The following GPHN variants were observed in gnomAD, a reference collection of about 807,000 sequenced individuals.
GPHN encodes the protein gephyrin.
A neutral mutation model predicts 95.5 loss-of-function variants in GPHN; 17 were observed. The observed-to-expected ratio is 0.18, with a 90% CI of 0.12 to 0.27. GPHN has a LOEUF of 0.27. Among genes scored for constraint, GPHN ranks in the 10% least tolerant of loss-of-function variants. The pLI is 1.00. For missense variants in GPHN, 660 were observed against 978.1 expected (o/e 0.67, Z 4.34); for synonymous variants, 320 against 322.5 (o/e 0.99, Z 0.08).
At chr14:67,070,758 A>G (rs1204049469) in intron 11 of GPHN, among the ~76,000 whole-genome samples, 1 of 147,148 alleles carries the variant, frequency 6.8e-6, no homozygotes, top group Non-Finnish European at 1.5e-5. Context: ...ATGTGCTTTC[A>G]GGTGCTTTTT....
the GPHN span, among the ~76,000 whole-genome samples, chr14:67,669,931 T>C: frequency 2.6e-5 from 4 of 151,910 alleles, no homozygotes; most frequent in African/African-American, 4.8e-5. Context: ...AGACCCTTAC[T>C]AAAAATACAA....
the GPHN span, among the ~76,000 whole-genome samples, chr14:67,634,575 C>G: frequency 7.3e-6 from 1 of 136,288 alleles, no homozygotes; most frequent in African/African-American, 2.7e-5. Context: ...TCTTGGGCAA[C>G]AGAACCAGAC....
the GPHN span, among the ~76,000 whole-genome samples, chr14:67,633,099 C>T: frequency 1.3e-5 from 2 of 152,042 alleles, no homozygotes; most frequent in African/African-American, 2.4e-5. Context: ...GGATTACAGG[C>T]GTGAGCCACT....
intron 15 of GPHN, among the ~76,000 whole-genome samples, chr14:67,112,237 T>G (rs1177333078): frequency 6.6e-6 from 1 of 152,192 alleles, no homozygotes; most frequent in Non-Finnish European, 1.5e-5. Context: ...ATCTGGAATT[T>G]GGTATCAACT....
chr14:66,670,407 A>G (rs1353007554), intron 1 of GPHN, among the ~76,000 whole-genome samples: 2 of 152,236 alleles, frequency 1.3e-5, no homozygotes, highest in African/African-American at 2.4e-5. Context: ...CCATAGGCAT[A>G]TGCTATATTC....
intron 9 of GPHN, among the ~76,000 whole-genome samples, chr14:67,007,410 G>T (rs757510212): frequency 2.0e-5 from 3 of 152,144 alleles, no homozygotes; most frequent in Non-Finnish European, 4.4e-5. Flanking sequence ...AAAATGTTGT[G>T]TGACCAGCAG....
At chr14:67,395,691 A>T in the GPHN span, 1 of 801,146 alleles carries the variant, frequency 1.2e-6, no homozygotes, top group Non-Finnish European at 2.1e-6. Context: ...TGACTGCCAA[A>T]TGCCCTGAGC....
the GPHN span, chr14:67,586,707 T>TA: frequency 2.5e-6 from 2 of 815,924 alleles, no homozygotes; most frequent in Non-Finnish European, 3.4e-6. Context: ...TTTTTAATCC[T>TA]AAAGTTAGAG....
At chr14:67,229,981 CAG>C in the GPHN span, among the ~76,000 whole-genome samples, 1 of 152,152 alleles carries the variant, frequency 6.6e-6, no homozygotes, top group African/African-American at 2.4e-5. Flanking sequence ...GGAGTGAAAA[CAG>C]AGATTCCATG....
chr14:67,540,625 CAAA>C, the GPHN span, among the ~76,000 whole-genome samples: 2 of 123,204 alleles, frequency 1.6e-5, no homozygotes, highest in African/African-American at 2.9e-5. Context: ...GACTCTCCCT[CAAA>C]AAAAAAAAAA....
chr14:67,726,961 C>T, the GPHN span: 16 of 1,608,476 alleles, frequency 9.9e-6, no homozygotes. Context: ...TTCAATCTTC[C>T]CTGCTGGCTC....
At chr14:66,813,139 C>A (rs1341028019) in intron 3 of GPHN, among the ~76,000 whole-genome samples, 1 of 151,960 alleles carries the variant, frequency 6.6e-6, no homozygotes, top group Non-Finnish European at 1.5e-5. Flanking sequence ...ATATTTATAC[C>A]ACGTTTAATT....
chr14:66,799,956 CTCCATTGTATGTTTTTTGGTTTGATATT>C (rs2060285682), intron 3 of GPHN, among the ~76,000 whole-genome samples: 1 of 151,704 alleles, frequency 6.6e-6, no homozygotes, highest in Admixed American at 6.6e-5. Flanking sequence ...ATTTTTTTCT[CTCCATTGTATGTTTTTTGGTTTGATATT>C]ACCATGAAGC....
chr14:66,774,267 G>A (rs1408497145), intron 2 of GPHN, among the ~76,000 whole-genome samples: 1 of 152,094 alleles, frequency 6.6e-6, no homozygotes, highest in African/African-American at 2.4e-5. Flanking sequence ...CTCCCAAAGT[G>A]CTGGGATTAC....
the GPHN span, chr14:67,392,577 A>G: frequency 7.5e-7 from 1 of 1,340,304 alleles, no homozygotes; most frequent in Non-Finnish European, 1.1e-6. Flanking sequence ...GTCTCCTCCC[A>G]TGACTGTGGC....
Position 67,168,952 on chromosome 14 carries a change from G to A in GPHN, c.1995G>A (p.Val665=), listed in dbSNP as rs1357103755. The A allele has an allele frequency of 6.2e-7, 1 of 1,610,774 alleles. No individual in the cohort carries two copies. Among genetic ancestry groups the A allele is most frequent in the South Asian group, 1.1e-5 (1 of 91,024 alleles). Residue 665 remains valine (V), a synonymous_variant, in exon 21 of 23, where the codon GTG becomes GTA. Transcript: ENST00000478722. ...FALPGNPVSA[V]VTCNLFVVPA... ...TTTCAGGGAATCCTGTATCGGCTGTGGTCACCTGCAATCTCTTTGTTGTGC... is the reference window on the plus strand; with the variant it reads ...TTTCAGGGAATCCTGTATCGGCTGTAGTCACCTGCAATCTCTTTGTTGTGC...
At chr14:66,996,754 CTT>C (rs1367225628) in intron 9 of GPHN, among the ~76,000 whole-genome samples, 2 of 151,808 alleles carry the variant, frequency 1.3e-5, no homozygotes, top group African/African-American at 4.8e-5. Context: ...CATTAGATGA[CTT>C]TAATAATTTT....
the GPHN span, among the ~76,000 whole-genome samples, chr14:67,406,416 T>C: frequency 3.3e-5 from 5 of 151,984 alleles, no homozygotes; most frequent in Non-Finnish European, 7.4e-5. Context: ...GTCTTCCTGG[T>C]TGTGTGGAGT....
the GPHN span, chr14:67,228,305 T>C: frequency 1.4e-5 from 6 of 413,830 alleles, no homozygotes; most frequent in East Asian, 9.8e-4. Flanking sequence ...ATTTTGTTTG[T>C]TTCAATCATT....
Sources: allele counts gnomAD v4.1 joint callset (sites outside exome capture counted in the v4.1 genomes callset), GRCh38; gene constraint gnomAD v4.1.1; transcripts MANE v1.5; gene names NCBI Gene and HGNC (gene_info 2026-07-23, HGNC 2026-07-21).